The following FHIT variants were observed in gnomAD, a reference collection of about 807,000 sequenced individuals.
FHIT encodes the protein bis(5'-adenosyl)-triphosphatase.
In FHIT, 19 loss-of-function variants were observed where a neutral mutation model predicts 17.9. That is an observed-to-expected ratio of 1.06 (90% CI 0.74 to 1.56). The LOEUF is 1.56. Among genes scored for constraint, FHIT ranks in the 40% most tolerant of loss-of-function variants. The pLI, the probability that FHIT is intolerant of heterozygous loss-of-function variation, is 0.00. For synonymous variants in FHIT, 81 were observed against 69.7 expected (o/e 1.16, Z -0.81); for missense variants, 248 against 189.2 (o/e 1.31, Z -1.82).
intron 3 of FHIT, among the ~76,000 whole-genome samples, chr3:60,822,246 G>A (rs1417641260): frequency 1.3e-5 from 2 of 152,112 alleles, no homozygotes; most frequent in East Asian, 3.9e-4. Context: ...CAAGAAAAGG[G>A]GCAGAACCAT....
intron 2 of FHIT, among the ~76,000 whole-genome samples, chr3:61,047,991 C>T (rs532423504): frequency 0.032 from 4,828 of 151,286 alleles, 148 homozygotes; most frequent in Admixed American, 0.1. Context: ...GGATTAAAGA[C>T]TTAAATGTTA....
intron 5 of FHIT, among the ~76,000 whole-genome samples, chr3:60,076,579 C>G (rs553391433): frequency 4.6e-5 from 7 of 151,968 alleles, no homozygotes; most frequent in Admixed American, 1.3e-4. Context: ...CAAATGAGAT[C>G]AGAGGCATAC....
intron 4 of FHIT, among the ~76,000 whole-genome samples, chr3:60,681,158 A>T (rs937121205): frequency 1.3e-5 from 2 of 152,274 alleles, no homozygotes; most frequent in East Asian, 3.9e-4. Flanking sequence ...CATTTTTCCA[A>T]CAGCACGTGT....
chr3:60,331,768 C>T (rs1458622500), intron 5 of FHIT, among the ~76,000 whole-genome samples: 1 of 151,878 alleles, frequency 6.6e-6, no homozygotes, highest in Non-Finnish European at 1.5e-5. Flanking sequence ...ATCACTTGAA[C>T]CCAGGAGGTG....
At chr3:60,181,963 C>G (rs892396598) in intron 5 of FHIT, among the ~76,000 whole-genome samples, 4 of 152,160 alleles carry the variant, frequency 2.6e-5, no homozygotes, top group African/African-American at 9.7e-5. Flanking sequence ...AAATATGCAA[C>G]AGCCTAGATA....
chr3:60,531,856 T>C (rs2035799582), intron 5 of FHIT, among the ~76,000 whole-genome samples: 1 of 152,236 alleles, frequency 6.6e-6, no homozygotes, highest in South Asian at 2.1e-4. Flanking sequence ...GGAAAGTTAA[T>C]ATTCCGTATT....
chr3:59,983,290 A>G (rs1016002588), intron 7 of FHIT, among the ~76,000 whole-genome samples: 1 of 152,116 alleles, frequency 6.6e-6, no homozygotes, highest in South Asian at 2.1e-4. Flanking sequence ...TGGTTCACAT[A>G]AACACATCCT....
At chr3:61,022,355 G>A (rs748403577) in intron 3 of FHIT, among the ~76,000 whole-genome samples, 5 of 152,138 alleles carry the variant, frequency 3.3e-5, no homozygotes, top group African/African-American at 7.2e-5. Flanking sequence ...GTAATTAATA[G>A]CCTACCAACC....
At chr3:60,488,942 G>C (rs562273714) in intron 5 of FHIT, among the ~76,000 whole-genome samples, 11 of 152,132 alleles carry the variant, frequency 7.2e-5, no homozygotes, top group African/African-American at 2.7e-4. Flanking sequence ...TCCACCTTTT[G>C]GAATCCCTTT....
chr3:59,936,033 T>C (rs1183017164), intron 7 of FHIT, among the ~76,000 whole-genome samples: 2 of 152,162 alleles, frequency 1.3e-5, no homozygotes, highest in Non-Finnish European at 2.9e-5. Flanking sequence ...TAAATCCCTT[T>C]TAAAAAACTC....
chr3:60,184,824 A>G (rs1002066823), intron 5 of FHIT, among the ~76,000 whole-genome samples: 1 of 152,076 alleles, frequency 6.6e-6, no homozygotes, highest in Non-Finnish European at 1.5e-5. Flanking sequence ...ATTTATTTCC[A>G]TCCCTATTTA....
At position 60,782,923 on chromosome 3, in the gene FHIT, C is replaced by G. The variant is rs553325542; in HGVS notation, c.-18+38996G>C. Among the ~76,000 whole-genome samples, 4 of 152,262 alleles carry G rather than the reference C, an allele frequency of 2.6e-5. No homozygotes were observed. The East Asian group carries it at 7.7e-4, about 29-fold the overall frequency. On this transcript the variant is annotated intron_variant, in intron 4 of 9. Transcript: ENST00000492590. ...GGCACCAATCCCATTCATGACGGCT[C>G]TGTCCTCATGACCTAATCACCTCAA...
chr3:60,311,328 G>GT (rs1708935894), intron 5 of FHIT, among the ~76,000 whole-genome samples: 2 of 151,924 alleles, frequency 1.3e-5, no homozygotes, highest in Non-Finnish European at 2.9e-5. Flanking sequence ...GTGTCCTTGA[G>GT]TTTAGATTCA....
At chr3:60,361,206 A>G (rs1397853560) in intron 5 of FHIT, among the ~76,000 whole-genome samples, 2 of 152,242 alleles carry the variant, frequency 1.3e-5, no homozygotes, top group Admixed American at 6.5e-5. Flanking sequence ...AGTGGGGAGA[A>G]GTAAACAGAT....
At chr3:60,195,753 T>C (rs890927514) in intron 5 of FHIT, among the ~76,000 whole-genome samples, 1 of 151,444 alleles carries the variant, frequency 6.6e-6, no homozygotes, top group East Asian at 1.9e-4. Context: ...GAGGCCATTA[T>C]TCTAAGTGAC....
chr3:61,152,323 G>T (rs1048011883), intron 2 of FHIT, among the ~76,000 whole-genome samples: 3 of 152,226 alleles, frequency 2.0e-5, no homozygotes, highest in African/African-American at 7.2e-5. Context: ...AAAGTGGTAA[G>T]TGAACCCCTG....
At chr3:60,990,432 G>T (rs1692274592) in intron 3 of FHIT, among the ~76,000 whole-genome samples, 1 of 152,156 alleles carries the variant, frequency 6.6e-6, no homozygotes, top group African/African-American at 2.4e-5. Context: ...TGTTAGAATG[G>T]GGTGGCGATG....
intron 7 of FHIT, among the ~76,000 whole-genome samples, chr3:59,961,801 G>T (rs961156609): frequency 6.6e-6 from 1 of 152,218 alleles, no homozygotes; most frequent in African/African-American, 2.4e-5. Context: ...AATGCAGAAA[G>T]CACCTGCCTT....
In FHIT at chr3:59,783,772, G is replaced by C. The variant is rs529640417; in HGVS notation, c.349-31451C>G. ...TTGCCAAATATCCTCTGGGGGAGCT[G>C]ATTTGCCACAACCCCCACACCCCAC... On this transcript the variant is annotated intron_variant, in intron 8 of 9. Transcript: ENST00000492590. Among the ~76,000 whole-genome samples the C allele has an allele frequency of 1.2e-4, 19 of 152,232 alleles. 1 individual carries two copies. The South Asian group carries it at 3.7e-3, about 30-fold the overall frequency.
Sources: gnomAD v4.1 joint callset for allele counts (sites outside exome capture counted in the v4.1 genomes callset) on GRCh38, gnomAD v4.1.1 for gene constraint, MANE v1.5 for transcripts, NCBI Gene and HGNC (gene_info 2026-07-23, HGNC 2026-07-21) for gene names.